CEP70: variants seen among roughly 807,000 people sequenced by gnomAD.
The protein encoded by CEP70 is centrosomal protein of 70 kDa.
CEP70 carries 70 observed loss-of-function variants against 90.9 expected under a neutral mutation model. The ratio of observed to expected loss-of-function variants is 0.77; its 90% CI spans 0.64 to 0.94. The LOEUF (loss-of-function observed/expected upper bound fraction) is 0.94, where lower values mean the gene tolerates loss of function less well. CEP70 is among the 40% of genes least tolerant of loss of function. The pLI, the probability that CEP70 is intolerant of heterozygous loss-of-function variation, is 0.00. For missense variants in CEP70, 648 were observed against 669.0 expected (o/e 0.97, Z 0.35); for synonymous variants, 220 against 228.3 (o/e 0.96, Z 0.33).
intron 11 of CEP70, among the ~76,000 whole-genome samples, chr3:138,516,614 G>A (rs1003347127): frequency 1.8e-4 from 27 of 152,100 alleles, no homozygotes; most frequent in Non-Finnish European, 1.2e-4. Context: ...TCAAACTCCT[G>A]GACTCAAGCA....
At chr3:138,544,037 T>G (rs1249946721) in intron 6 of CEP70, among the ~76,000 whole-genome samples, 1 of 152,114 alleles carries the variant, frequency 6.6e-6, no homozygotes, top group African/African-American at 2.4e-5. Context: ...GCCTGTAATC[T>G]CCACACTTTC....
intron 7 of CEP70, among the ~76,000 whole-genome samples, chr3:138,534,577 T>C (rs558843488): frequency 6.6e-6 from 1 of 152,316 alleles, no homozygotes; most frequent in Admixed American, 6.5e-5. Flanking sequence ...AGTGGGAAAG[T>C]AAACAAGTTA....
rs1451497506 is a variant in CEP70, at chr3:138,571,288, T to C, written c.138A>G (p.Leu46=). ...TACCTTTGAGATCTGTTCTTTTGAC[T>C]AGAGACAAAGGTTTTAAGCCATGCA... ...LMMHGLKPLS[L]VKRTDLKDLI... The change falls in exon 4 of 18, where the codon CTA becomes CTG. Residue 46 remains leucine (L), a synonymous_variant. Coordinates refer to ENST00000264982, the MANE Select transcript of CEP70 (RefSeq NM_024491.4). 7 of 1,609,862 alleles carry C rather than the reference T, an allele frequency of 4.3e-6. No individual in the cohort carries two copies. The East Asian group carries it at 1.1e-4, about 26-fold the overall frequency.
chr3:138,586,374 C>G (rs2042106698), intron 2 of CEP70, among the ~76,000 whole-genome samples: 1 of 152,162 alleles, frequency 6.6e-6, no homozygotes, highest in Non-Finnish European at 1.5e-5. Context: ...TATCTGCACT[C>G]TCATGTTTAC....
intron 6 of CEP70, among the ~76,000 whole-genome samples, chr3:138,549,330 G>A (rs531242310): frequency 1.3e-5 from 2 of 151,990 alleles, no homozygotes; most frequent in East Asian, 3.9e-4. Flanking sequence ...CTCACTCACT[G>A]CCTGGAAACA....
intron 11 of CEP70, among the ~76,000 whole-genome samples, chr3:138,518,162 A>C (rs1418259840): frequency 6.6e-6 from 1 of 152,200 alleles, no homozygotes; most frequent in Non-Finnish European, 1.5e-5. Flanking sequence ...CTGAGGCTTG[A>C]GTAGGTAAAC....
chr3:138,540,635 C>T (rs2038681947), intron 6 of CEP70, among the ~76,000 whole-genome samples: 1 of 152,144 alleles, frequency 6.6e-6, no homozygotes, highest in African/African-American at 2.4e-5. Flanking sequence ...AACACTTATA[C>T]ACTGTTGATG....
At chr3:138,499,905 T>G (rs1163827643) in intron 16 of CEP70, 2 of 484,518 alleles carry the variant, frequency 4.1e-6, no homozygotes, top group Non-Finnish European at 3.8e-6. Flanking sequence ...AGTCTTTAAT[T>G]TCACCCCTCC....
At chr3:138,531,937 A>G (rs906930477) in intron 8 of CEP70, among the ~76,000 whole-genome samples, 1 of 152,200 alleles carries the variant, frequency 6.6e-6, no homozygotes, top group Non-Finnish European at 1.5e-5. Flanking sequence ...GAACTGTTCC[A>G]TCTATAAATA....
intron 11 of CEP70, among the ~76,000 whole-genome samples, chr3:138,516,585 T>G: frequency 6.6e-6 from 1 of 152,130 alleles, no homozygotes; most frequent in Non-Finnish European, 1.5e-5. Flanking sequence ...AAGGACTCAC[T>G]ACATTGCCCA....
chr3:138,551,411 C>T (rs1216234356), intron 6 of CEP70, among the ~76,000 whole-genome samples: 2 of 152,152 alleles, frequency 1.3e-5, no homozygotes, highest in African/African-American at 4.8e-5. Context: ...AGAACCTTTT[C>T]AAAGCATAAA....
At position 138,529,362 on chromosome 3, in the gene CEP70, G is replaced by A. The variant is rs780530792; in HGVS notation, c.780+13C>T. 1 of 1,582,640 alleles carries A rather than the reference G, an allele frequency of 6.3e-7. No individual in the cohort carries two copies. The highest frequency in any genetic ancestry group is 2.2e-5 in the East Asian group (1 of 44,694). Reference sequence around the variant, plus strand: ...TTATTAAAAAGTATTTATTAGTTATGCAGTCCCCATACCATTAAAAGGCCT... The same window carrying A: ...TTATTAAAAAGTATTTATTAGTTATACAGTCCCCATACCATTAAAAGGCCT... On this transcript the variant is annotated intron_variant, in intron 9 of 17. Coordinates refer to ENST00000264982, the MANE Select transcript of CEP70 (RefSeq NM_024491.4).
chr3:138,529,252 C>A lies in CEP70; in HGVS notation c.816G>T (p.Lys272Asn). 1 of 1,609,688 alleles carries A rather than the reference C, an allele frequency of 6.2e-7. No homozygotes were observed. Among genetic ancestry groups the A allele is most frequent in the Non-Finnish European group, 8.5e-7 (1 of 1,178,112 alleles). ...GCTTTTCACTTGAAAGTGCATCAAT[C>A]TTAGATTTTGATTCCTTGAGTTGAT... is the stretch of plus-strand genomic sequence containing the variant. ...LQNQLKESKS[K>N]IDALSSEKLN... is the part of the protein sequence containing the mutation. The change falls in exon 10 of 18, where the codon AAG (lysine) becomes AAT (asparagine). Residue 272 changes from lysine (K) to asparagine (N), a missense_variant. Lys to Asn is a moderately conservative substitution (Grantham distance 94). Coordinates refer to ENST00000264982, the MANE Select transcript of CEP70 (RefSeq NM_024491.4).
chr3:138,510,116 T>C (rs2035382066), intron 11 of CEP70, among the ~76,000 whole-genome samples: 1 of 151,898 alleles, frequency 6.6e-6, no homozygotes, highest in Non-Finnish European at 1.5e-5. Context: ...TCTGGGCTAG[T>C]TTTGCTGTTG....
At chr3:138,513,325 T>A (rs1462643449) in intron 11 of CEP70, among the ~76,000 whole-genome samples, 1 of 152,202 alleles carries the variant, frequency 6.6e-6, no homozygotes, top group African/African-American at 2.4e-5. Context: ...GTCACCTGCA[T>A]TAGGGGCCTC....
chr3:138,553,020 A>G (rs956521137), intron 6 of CEP70, among the ~76,000 whole-genome samples: 1 of 152,200 alleles, frequency 6.6e-6, no homozygotes, highest in African/African-American at 2.4e-5. Flanking sequence ...CAGAAATACA[A>G]AAGATCATTC....
At chr3:138,556,613 C>T (rs1197039788) in intron 6 of CEP70, among the ~76,000 whole-genome samples, 2 of 151,262 alleles carry the variant, frequency 1.3e-5, no homozygotes, top group South Asian at 2.1e-4. Flanking sequence ...CCCTAAGCAT[C>T]GTCCGGGTTG....
intron 6 of CEP70, among the ~76,000 whole-genome samples, chr3:138,541,147 G>C (rs1415269811): frequency 6.6e-6 from 1 of 152,052 alleles, no homozygotes. Context: ...TTAATGCCTG[G>C]GTGATGAAAT....
At chr3:138,529,510 GA>G (rs746930560) in intron 8 of CEP70, 48 bp from the exon 9 acceptor site, 44 of 1,152,926 alleles carry the variant, frequency 3.8e-5, no homozygotes, top group Middle Eastern at 4.7e-4. Flanking sequence ...TATCTTCAAA[GA>G]AAAAAACTAA....
Sources: allele counts gnomAD v4.1 joint callset (sites outside exome capture counted in the v4.1 genomes callset), GRCh38; gene constraint gnomAD v4.1.1; transcripts MANE v1.5; gene names NCBI Gene and HGNC (gene_info 2026-07-23, HGNC 2026-07-21).